CACNA1B: variants seen among roughly 807,000 people sequenced by gnomAD.
The protein encoded by CACNA1B is voltage-dependent N-type calcium channel subunit alpha-1B.
In CACNA1B, 70 loss-of-function variants were observed where a neutral mutation model predicts 247.2. The ratio of observed to expected loss-of-function variants is 0.28; its 90% confidence interval spans 0.23 to 0.35. CACNA1B has a LOEUF of 0.35. Ranked by LOEUF, CACNA1B falls within the 10% of genes least tolerant of loss-of-function variation. CACNA1B has a pLI of 1.00. For synonymous variants in CACNA1B, 1,231 were observed against 1,294.4 expected, an observed-to-expected ratio of 0.95 and a Z score of 1.05; for missense variants, 2,367 against 3,197.4, an observed-to-expected ratio of 0.74 and a Z score of 6.26.
chr9:138,008,279 G>A (rs552344664), intron 16 of CACNA1B, among the ~76,000 whole-genome samples: 1 of 152,322 alleles, frequency 6.6e-6, no homozygotes, highest in African/African-American at 2.4e-5. Flanking sequence ...GTGGCCAGTG[G>A]TTCACCACAG....
In CACNA1B at chr9:137,954,420, G is replaced by T. The variant is rs1957919798; in HGVS notation, c.1071-1278G>T. ...CCCCTGTCCTGCCTCTTCTCACCCA[G>T]CGAGGACAGAAGCTCAGGGAGGGCT... On this transcript the variant is annotated intron_variant, in intron 7 of 46. Transcript: ENST00000371372. This position sits in a 1 kb window ranked among gnomAD's most constrained non-coding sequence, Gnocchi z 4.1. Among the ~76,000 whole-genome samples, 1 of 152,226 alleles carries T rather than the reference G, an allele frequency of 6.6e-6. No homozygotes were observed. Among genetic ancestry groups the T allele is most frequent in the Admixed American group, 6.5e-5 (1 of 15,290 alleles).
In CACNA1B at chr9:138,112,416, A is replaced by G. The variant is rs1235172759; in HGVS notation, c.5447A>G (p.Gln1816Arg). The G allele has an allele frequency of 4.3e-6, 7 of 1,613,070 alleles. No individual in the cohort carries two copies. The highest frequency in any genetic ancestry group is 5.9e-6 in the Non-Finnish European group (7 of 1,179,154). ...GGTGCAGCTGGGACAAAGCAGCATC[A>G]GTGTGACGCGGAGTTGAGGAAGGAG... ...KLAPAGTKQH[Q>R]CDAELRKEIS... The change falls in exon 40 of 47, where the codon CAG becomes CGG. Residue 1816 changes from glutamine to arginine, a missense_variant. Gln to Arg is a conservative substitution (Grantham distance 43). Transcript: ENST00000371372.
intron 6 of CACNA1B, among the ~76,000 whole-genome samples, chr9:137,945,581 A>G (rs1271874849): frequency 6.6e-6 from 1 of 152,206 alleles, no homozygotes; most frequent in Admixed American, 6.5e-5. Context: ...CAAGCTTTTA[A>G]CTTCAGCCAA....
chr9:138,103,296 C>T (rs1476378528), intron 38 of CACNA1B, among the ~76,000 whole-genome samples: 3 of 152,210 alleles, frequency 2.0e-5, no homozygotes, highest in Non-Finnish European at 4.4e-5. Context: ...ACCCCCTCCC[C>T]AGCTCAGCAA....
Position 138,121,438 on chromosome 9 carries a change from C to A in CACNA1B, c.6490-31C>A. 1.2e-5 allele frequency: 13 copies of A among 1,125,100 alleles called. No homozygotes were observed. The highest frequency in any genetic ancestry group is 2.1e-5 in the South Asian group (1 of 48,122). The allele number at this position is 1,125,100 out of a possible 1,614,324, so 69.7% of individuals were successfully genotyped here. On this transcript the variant is annotated intron_variant, in intron 46 of 46. Coordinates refer to ENST00000371372, the MANE Select transcript of CACNA1B (RefSeq NM_000718.4). This position sits in a 1 kb window ranked among gnomAD's most constrained non-coding sequence, Gnocchi z 6.8. Reference sequence around the variant, plus strand: ...TCGGCTTTTTTTTTTTTTTTTTTACCTCTGATTTGTTCTGGTCCATTTTCA... The same window carrying A: ...TCGGCTTTTTTTTTTTTTTTTTTACATCTGATTTGTTCTGGTCCATTTTCA...
At position 138,029,133 on chromosome 9, in the gene CACNA1B, T is replaced by A. The variant is rs187145281; in HGVS notation, c.3286+3961T>A. On this transcript the variant is annotated intron_variant, in intron 20 of 46. Transcript: ENST00000371372. Reference sequence around the variant, plus strand: ...TGTCAGCCAGAAAAGTCAACAACACTGTAATGAAAGATATATATGTTTTCC... The same window carrying A: ...TGTCAGCCAGAAAAGTCAACAACACAGTAATGAAAGATATATATGTTTTCC... 5.5e-4 allele frequency among the ~76,000 whole-genome samples: 84 copies of A among 152,328 alleles called. 1 individual carries two copies. The highest frequency in any genetic ancestry group is 1.6e-3 in the African/African-American group (67 of 41,570).
chr9:138,059,557 T>G lies in CACNA1B; in HGVS notation c.4585-97T>G. The G allele has an allele frequency of 1.3e-6, 1 of 780,750 alleles. No individual in the cohort carries two copies. Among genetic ancestry groups the G allele is most frequent in the Non-Finnish European group, 2.3e-6 (1 of 438,416 alleles). 48.4% of individuals were successfully genotyped at this position (780,750 alleles called of 1,614,324 possible). On this transcript the variant is annotated intron_variant, in intron 30 of 46. Transcript: ENST00000371372. This position sits in a 1 kb window ranked among gnomAD's most constrained non-coding sequence, Gnocchi z 4.2. Reference sequence around the variant, plus strand: ...GCCCTGTGCTCAGGGTCTATCACCCTCACCGCTTTCTTAATCAGGGCCACC... The same window carrying G: ...GCCCTGTGCTCAGGGTCTATCACCCGCACCGCTTTCTTAATCAGGGCCACC...
intron 13 of CACNA1B, among the ~76,000 whole-genome samples, chr9:137,985,944 C>G (rs530977553): frequency 6.6e-6 from 1 of 152,362 alleles, no homozygotes; most frequent in African/African-American, 2.4e-5. Flanking sequence ...GTCTCTGCCA[C>G]CGGCCACAGC....
At chr9:138,062,471 G>A (rs1476116406) in intron 31 of CACNA1B, among the ~76,000 whole-genome samples, 5 of 152,188 alleles carry the variant, frequency 3.3e-5, no homozygotes, top group Admixed American at 6.5e-5. Flanking sequence ...ACATGCTTGG[G>A]TTCGGTCGTA....
Position 138,058,341 on chromosome 9 carries a change from C to G in CACNA1B, c.4308+91C>G. The G allele has an allele frequency of 8.3e-7, 1 of 1,199,570 alleles. No homozygotes were observed. The highest frequency in any genetic ancestry group is 1.2e-6 in the Non-Finnish European group (1 of 819,542). 74.3% of individuals were successfully genotyped at this position (1,199,570 alleles called of 1,614,324 possible). A position where few individuals can be genotyped will look rare whatever the true frequency, so the allele number is the denominator to read the frequency against. On this transcript the variant is annotated intron_variant, in intron 28 of 46. Coordinates refer to ENST00000371372, the MANE Select transcript of CACNA1B (RefSeq NM_000718.4). The surrounding 1 kb of genome is among the most constrained non-coding windows in gnomAD (Gnocchi z 4.7). ...GCACACAAATCACTCACAGCTGGGT[C>G]AGCTTTGGCTGCCACCGTCTGCCAA...
chr9:138,050,511 G>A lies in CACNA1B; in HGVS notation c.3710+1196G>A, dbSNP rs77343696. ...TTCCTCTCCACTCCAGCCCCCTGCAGTTCCCACTATTTCCTCTTTCTGTGA... is the reference window on the plus strand; with the variant it reads ...TTCCTCTCCACTCCAGCCCCCTGCAATTCCCACTATTTCCTCTTTCTGTGA... On this transcript the variant is annotated intron_variant, in intron 24 of 46. Transcript: ENST00000371372. The surrounding 1 kb of genome is among the most constrained non-coding windows in gnomAD (Gnocchi z 5.2). Among the ~76,000 whole-genome samples the A allele has an allele frequency of 1.7e-3, 258 of 152,350 alleles. 5 individuals carry two copies. The East Asian group carries it at 0.041, about 24-fold the overall frequency.
rs79650862 is a variant in CACNA1B, at chr9:138,074,135, C to A, written c.4857+69C>A. 1,566 of 1,044,944 alleles carry A rather than the reference C, an allele frequency of 1.5e-3. 17 individuals are homozygous for A. The East Asian group carries it at 0.03, about 20-fold the overall frequency. 64.7% of individuals were successfully genotyped at this position (1,044,944 alleles called of 1,614,324 possible). A position where few individuals can be genotyped will look rare whatever the true frequency, so the allele number is the denominator to read the frequency against. On this transcript the variant is annotated intron_variant, in intron 34 of 46. Coordinates refer to ENST00000371372, the MANE Select transcript of CACNA1B (RefSeq NM_000718.4). Reference sequence around the variant, plus strand: ...TGCCCTGGAGCAGAGGGGCACTGATCATGATTGTCAAATCATCGTCATAAT... The same window carrying A: ...TGCCCTGGAGCAGAGGGGCACTGATAATGATTGTCAAATCATCGTCATAAT...
intron 10 of CACNA1B, among the ~76,000 whole-genome samples, chr9:137,970,230 T>A (rs1195442476): frequency 6.6e-6 from 1 of 152,078 alleles, no homozygotes; most frequent in East Asian, 1.9e-4. Flanking sequence ...GCCCAGGTAT[T>A]CAAAGCCCAC....
In CACNA1B at chr9:138,073,256, T is replaced by G. The variant is rs1482848537; in HGVS notation, c.4675-232T>G. 6.6e-6 allele frequency among the ~76,000 whole-genome samples: 1 copy of G among 151,864 alleles called. No individual in the cohort carries two copies. Among genetic ancestry groups the G allele is most frequent in the East Asian group, 1.9e-4 (1 of 5,178 alleles). On this transcript the variant is annotated intron_variant, in intron 32 of 46. Coordinates refer to ENST00000371372, the MANE Select transcript of CACNA1B (RefSeq NM_000718.4). The surrounding 1 kb of genome is among the most constrained non-coding windows in gnomAD (Gnocchi z 6.4). ...GGGAGGGGCCTTAGAGCCAAGGAGG[T>G]TTTCTCTGATTTGCTGCATGAGAAG...
intron 36 of CACNA1B, among the ~76,000 whole-genome samples, chr9:138,079,651 G>A (rs1960451669): frequency 6.7e-6 from 1 of 149,192 alleles, no homozygotes; most frequent in African/African-American, 2.5e-5. Context: ...GCTGAGGCAA[G>A]AGAATCGCTT....
chr9:137,987,013 C>T (rs1958371362), intron 15 of CACNA1B, among the ~76,000 whole-genome samples, 159 bp downstream of exon 15: 1 of 152,230 alleles, frequency 6.6e-6, no homozygotes, highest in Non-Finnish European at 1.5e-5. Context: ...GAAGCACAGG[C>T]AGTCAGCAAC....
intron 31 of CACNA1B, among the ~76,000 whole-genome samples, chr9:138,062,661 T>C (rs1360132078): frequency 6.6e-6 from 1 of 152,192 alleles, no homozygotes; most frequent in African/African-American, 2.4e-5. Context: ...CATGGCCTGC[T>C]CCCAAATGCT....
chr9:137,882,678 A>G lies in CACNA1B; in HGVS notation c.391-66A>G. On this transcript the variant is annotated intron_variant, in intron 2 of 46. Transcript: ENST00000371372. This position sits in a 1 kb window ranked among gnomAD's most constrained non-coding sequence, Gnocchi z 4.0. The stretch of plus-strand genomic sequence containing the variant: ...ACATGGTGGGGTGGGGTCCTCACCA[A>G]CCGTCTCTGCCCGCTACTACACCGG... The G allele has an allele frequency of 1.3e-6, 2 of 1,596,716 alleles. No individual in the cohort carries two copies. The highest frequency in any genetic ancestry group is 1.1e-5 in the South Asian group (1 of 89,828).
In CACNA1B at chr9:138,075,881, G is replaced by A. The variant is rs772416914; in HGVS notation, c.4920G>A (p.Thr1640=). Residue 1640 remains threonine, a synonymous_variant, in exon 35 of 47, where the codon ACG becomes ACA. Coordinates refer to ENST00000371372, the MANE Select transcript of CACNA1B (RefSeq NM_000718.4). ...TSINRHNNFR[T]FLQALMLLFR... ...TCAACCGCCACAACAACTTCCGGAC[G>A]TTTTTGCAAGCCCTGATGCTGCTGT... 3.7e-6 allele frequency: 6 copies of A among 1,612,230 alleles called. No individual in the cohort carries two copies. Among genetic ancestry groups the A allele is most frequent in the Admixed American group, 1.7e-5 (1 of 59,914 alleles).
Sources: gnomAD v4.1 joint callset for allele counts (sites outside exome capture counted in the v4.1 genomes callset) on GRCh38, gnomAD v4.1.1 for gene constraint, Gnocchi (gnomAD v3.1) non-coding constraint, MANE v1.5 for transcripts, NCBI Gene and HGNC (gene_info 2026-07-23, HGNC 2026-07-21) for gene names.